CAPN8: variants seen among roughly 807,000 people sequenced by gnomAD.
CAPN8 encodes the protein calpain 8.
In CAPN8, 87 loss-of-function variants were observed where a neutral mutation model predicts 80.9. The observed-to-expected ratio is 1.07, with a 90% CI of 0.90 to 1.28. CAPN8 has a LOEUF of 1.28. Among genes scored for constraint, CAPN8 ranks in the 50% most tolerant of loss-of-function variants. The pLI, the probability that CAPN8 is intolerant of heterozygous loss-of-function variation, is 0.00. For missense variants in CAPN8, 757 were observed against 702.0 expected (o/e 1.08, Z -0.89); for synonymous variants, 299 against 273.8 (o/e 1.09, Z -0.91).
At chr1:223,657,017 C>T (rs909124456) in intron 1 of CAPN8, among the ~76,000 whole-genome samples, 1 of 152,114 alleles carries the variant, frequency 6.6e-6, no homozygotes, top group African/African-American at 2.4e-5. Flanking sequence ...ATGTCTTGTA[C>T]GTATGTCTTA....
At chr1:223,662,725 C>T (rs1558360656) in intron 1 of CAPN8, among the ~76,000 whole-genome samples, 1 of 152,170 alleles carries the variant, frequency 6.6e-6, no homozygotes, top group Non-Finnish European at 1.5e-5. Context: ...AATGAACTTA[C>T]AATGCACCAC....
At chr1:223,659,075 G>A (rs555456724) in intron 1 of CAPN8, among the ~76,000 whole-genome samples, 7 of 152,070 alleles carry the variant, frequency 4.6e-5, no homozygotes, top group Non-Finnish European at 1.0e-4. Flanking sequence ...TTACTCAAGC[G>A]AGGATCTCAA....
Position 223,632,829 on chromosome 1 carries a change from C to T in CAPN8, c.308-4049G>A, listed in dbSNP as rs79511385. ...GCTCAGGAGTTAGTGCTCACTCATGCGCTTTAAGCAGAGGTGCACTTCATG... is the reference window on the plus strand; with the variant it reads ...GCTCAGGAGTTAGTGCTCACTCATGTGCTTTAAGCAGAGGTGCACTTCATG... On this transcript the variant is annotated intron_variant, in intron 2 of 20. Transcript: ENST00000366872. 7.2e-3 allele frequency among the ~76,000 whole-genome samples: 1,101 copies of T among 152,312 alleles called. 58 individuals are homozygous for T. The East Asian group carries it at 0.1, about 14-fold the overall frequency.
At chr1:223,631,148 G>T (rs1657762679) in intron 2 of CAPN8, among the ~76,000 whole-genome samples, 1 of 151,708 alleles carries the variant, frequency 6.6e-6, no homozygotes, top group African/African-American at 2.4e-5. Flanking sequence ...TTTCATTGAT[G>T]TGATTTTTCT....
In CAPN8 at chr1:223,665,625, C is replaced by A. The variant is rs1464839800; in HGVS notation, c.22G>T (p.Val8Leu). Residue 8 changes from valine (V) to leucine (L), a missense_variant, in exon 1 of 21, where the codon GTA becomes TTA. Coordinates refer to ENST00000366872, the MANE Select transcript of CAPN8 (RefSeq NM_001143962.2). ...TGAGTGGCTGCCCGCTGCCTAGATA[C>A]ACCAGCTGCCTGGGCTGCCATGGCC... MAAQAAG[V>L]SRQRAATQGL... The A allele has an allele frequency of 6.4e-7, 1 of 1,551,486 alleles. No individual in the cohort carries two copies. The highest frequency in any genetic ancestry group is 2.4e-5 in the East Asian group (1 of 40,906).
chr1:223,648,268 CG>C (rs555996676), intron 2 of CAPN8, among the ~76,000 whole-genome samples: 1 of 152,302 alleles, frequency 6.6e-6, no homozygotes, highest in South Asian at 2.1e-4. Flanking sequence ...GAACTTCCCC[CG>C]AATCACGGTT....
intron 2 of CAPN8, among the ~76,000 whole-genome samples, chr1:223,649,170 T>A (rs1304007602): frequency 6.6e-6 from 1 of 152,242 alleles, no homozygotes; most frequent in African/African-American, 2.4e-5. Flanking sequence ...TTTTATACAG[T>A]AGCATCGCTC....
intron 3 of CAPN8, 151 bp downstream of exon 3, chr1:223,628,511 C>T: frequency 3.1e-6 from 2 of 643,958 alleles, no homozygotes; most frequent in Non-Finnish European, 2.7e-6. Flanking sequence ...AGCAGAGGTT[C>T]TCAGACTGAA....
At chr1:223,637,139 TC>T (rs1210689940) in intron 2 of CAPN8, among the ~76,000 whole-genome samples, 1 of 152,168 alleles carries the variant, frequency 6.6e-6, no homozygotes, top group Non-Finnish European at 1.5e-5. Flanking sequence ...CTTTTTGACC[TC>T]CCACAAGCCA....
At position 223,665,563 on chromosome 1, in the gene CAPN8, C is replaced by G; in HGVS notation, c.84G>C (p.Leu28Phe). 1 of 1,551,664 alleles carries G rather than the reference C, an allele frequency of 6.4e-7. No individual in the cohort carries two copies. Among genetic ancestry groups the G allele is most frequent in the South Asian group, 1.2e-5 (1 of 84,052 alleles). The change falls in exon 1 of 21, where the codon TTG (leucine) becomes TTC (phenylalanine). Residue 28 changes from leucine (L) to phenylalanine (F), a missense_variant. By Grantham distance (22) the Leu-to-Phe change is conservative. Coordinates refer to ENST00000366872, the MANE Select transcript of CAPN8 (RefSeq NM_001143962.2). ...GCCTCAGGGTCTTGAAATCCTGGCC[C>G]AAGTACTTCAAAGCGTTTTGGTTGG... ...LGSNQNALKY[L>F]GQDFKTLRQQ...
chr1:223,656,165 TC>T lies in CAPN8; in HGVS notation c.238-1767del, dbSNP rs575528665. ...CTCCTCTGGGCTGACTTTTTTTTTT[TC>T]CCAAGTATTAAAAAAAATTTTGCTG... On this transcript the variant is annotated intron_variant, in intron 1 of 20. Transcript: ENST00000366872. 9.2e-3 allele frequency among the ~76,000 whole-genome samples: 1,381 copies of T among 150,244 alleles called. 16 individuals carry two copies. The highest frequency in any genetic ancestry group is 0.013 in the Non-Finnish European group (851 of 67,356).
At chr1:223,660,251 G>A (rs1658609233) in intron 1 of CAPN8, among the ~76,000 whole-genome samples, 1 of 152,194 alleles carries the variant, frequency 6.6e-6, no homozygotes, top group South Asian at 2.1e-4. Flanking sequence ...ACACTTCAGG[G>A]AAGAATATCA....
chr1:223,545,540 T>C (rs1320681644), intron 16 of CAPN8, among the ~76,000 whole-genome samples: 1 of 152,226 alleles, frequency 6.6e-6, no homozygotes, highest in African/African-American at 2.4e-5. Context: ...AGTCATGAGC[T>C]GGCCAATCTG....
intron 9 of CAPN8, 80 bp downstream of exon 9, chr1:223,619,213 C>T (rs1262402869): frequency 6.7e-7 from 1 of 1,497,298 alleles, no homozygotes; most frequent in East Asian, 2.5e-5. Context: ...CACAAAATAG[C>T]ACCAAAAAAT....
intron 9 of CAPN8, among the ~76,000 whole-genome samples, chr1:223,618,545 C>A (rs1412513935): frequency 1.3e-5 from 2 of 152,220 alleles, no homozygotes; most frequent in Admixed American, 1.3e-4. Context: ...ATGTTGTACC[C>A]GTGTTCCCCT....
intron 6 of CAPN8, among the ~76,000 whole-genome samples, chr1:223,623,776 A>G (rs1052164488): frequency 2.0e-5 from 3 of 152,116 alleles, no homozygotes; most frequent in Non-Finnish European, 2.9e-5. Context: ...TGGGCAGATC[A>G]TGAGGTCAGG....
At chr1:223,644,040 G>T (rs566840077) in intron 2 of CAPN8, 6 of 183,562 alleles carry the variant, frequency 3.3e-5, no homozygotes, top group Non-Finnish European at 5.7e-5. Flanking sequence ...ATAAATGTTC[G>T]TATTGGACAA....
intron 16 of CAPN8, among the ~76,000 whole-genome samples, chr1:223,548,671 G>C (rs1656697715): frequency 2.0e-5 from 3 of 152,126 alleles, no homozygotes; most frequent in Admixed American, 2.0e-4. Context: ...CCTTGATCTT[G>C]GCCTTCTCAG....
At chr1:223,645,205 C>T (rs1393999906) in intron 2 of CAPN8, among the ~76,000 whole-genome samples, 1 of 152,146 alleles carries the variant, frequency 6.6e-6, no homozygotes, top group Middle Eastern at 3.2e-3. Flanking sequence ...AAGATGAAGG[C>T]CGGAAGACTC....
Sources: gnomAD v4.1 joint callset for allele counts (sites outside exome capture counted in the v4.1 genomes callset) on GRCh38, gnomAD v4.1.1 for gene constraint, MANE v1.5 for transcripts, NCBI Gene and HGNC (gene_info 2026-07-23, HGNC 2026-07-21) for gene names.